Variants in XYLT1 observed in about 807,000 individuals in gnomAD.
XYLT1 encodes xylosyltransferase 1, also known as beta-D-xylosyltransferase 1.
XYLT1 carries 36 observed loss-of-function variants against 91.3 expected under a neutral mutation model. The ratio of observed to expected loss-of-function variants is 0.39; its 90% CI spans 0.30 to 0.52. The LOEUF is 0.52. Ranked by LOEUF, XYLT1 falls within the 20% of genes least tolerant of loss-of-function variation. The pLI is 0.68. For synonymous variants in XYLT1, 588 were observed against 532.0 expected (o/e 1.11, Z -1.45); for missense variants, 1,242 against 1,284.5 (o/e 0.97, Z 0.51).
chr16:17,115,763 C>T (rs150480663), intron 11 of XYLT1, among the ~76,000 whole-genome samples: 33 of 115,200 alleles, frequency 2.9e-4, no homozygotes, highest in East Asian at 1.8e-3. Flanking sequence ...TGGGATTACA[C>T]GTGTAAACCA....
intron 6 of XYLT1, among the ~76,000 whole-genome samples, chr16:17,142,962 CCT>C (rs2031025990): frequency 6.6e-6 from 1 of 152,202 alleles, no homozygotes; most frequent in African/African-American, 2.4e-5. Context: ...ACGAACCTCC[CCT>C]GAATTTTTCC....
intron 8 of XYLT1, among the ~76,000 whole-genome samples, chr16:17,135,912 TA>T (rs1401882856): frequency 6.6e-6 from 1 of 152,244 alleles, no homozygotes; most frequent in African/African-American, 2.4e-5. Flanking sequence ...ACTTCATTTA[TA>T]GAAGCAGGCA....
intron 2 of XYLT1, among the ~76,000 whole-genome samples, chr16:17,318,032 C>T (rs1313135188): frequency 6.6e-6 from 1 of 152,204 alleles, no homozygotes; most frequent in Non-Finnish European, 1.5e-5. Context: ...TATCACAGCA[C>T]CTTTTCACTT....
intron 1 of XYLT1, among the ~76,000 whole-genome samples, chr16:17,391,633 C>T (rs1164908367): frequency 1.3e-5 from 2 of 152,192 alleles, no homozygotes; most frequent in East Asian, 3.8e-4. Flanking sequence ...TCTTGGATCC[C>T]AACATCCCTT....
At chr16:17,339,897 C>T (rs2035040752) in intron 2 of XYLT1, among the ~76,000 whole-genome samples, 1 of 151,608 alleles carries the variant, frequency 6.6e-6, no homozygotes. Context: ...ATCATCCATC[C>T]ATCACCTATC....
At chr16:17,319,902 T>C (rs2034691183) in intron 2 of XYLT1, among the ~76,000 whole-genome samples, 1 of 152,150 alleles carries the variant, frequency 6.6e-6, no homozygotes, top group Non-Finnish European at 1.5e-5. Flanking sequence ...TCCCATCCCC[T>C]TTTCTCAGCT....
At chr16:17,362,965 G>A (rs930985573) in intron 1 of XYLT1, among the ~76,000 whole-genome samples, 1 of 152,194 alleles carries the variant, frequency 6.6e-6, no homozygotes, top group Non-Finnish European at 1.5e-5. Flanking sequence ...AGGCTGGCTT[G>A]GTGCCTTCTC....
chr16:17,344,160 A>G (rs569187183), intron 2 of XYLT1, among the ~76,000 whole-genome samples: 8 of 152,174 alleles, frequency 5.3e-5, no homozygotes, highest in African/African-American at 1.9e-4. Flanking sequence ...AGATGCTGCT[A>G]AACATTCTAC....
intron 2 of XYLT1, among the ~76,000 whole-genome samples, chr16:17,306,266 G>A (rs2034468785): frequency 6.6e-6 from 1 of 152,148 alleles, no homozygotes; most frequent in Non-Finnish European, 1.5e-5. Flanking sequence ...AGAACATTGG[G>A]AGAGAGAGAA....
chr16:17,391,565 AT>A lies in XYLT1; in HGVS notation c.364-33516del, dbSNP rs2035819448. On this transcript the variant is annotated intron_variant, in intron 1 of 11. Transcript: ENST00000261381. ...GTGAGCAAAATAAACCCACTGGGCA[AT>A]TACAAACTGTCCACTTCTGACCTTG... Among the ~76,000 whole-genome samples the A allele has an allele frequency of 2.0e-5, 3 of 152,194 alleles. No individual in the cohort carries two copies. The South Asian group carries it at 6.2e-4, about 32-fold the overall frequency.
intron 11 of XYLT1, among the ~76,000 whole-genome samples, chr16:17,111,669 A>G (rs1966841112): frequency 6.6e-6 from 1 of 152,200 alleles, no homozygotes; most frequent in African/African-American, 2.4e-5. Context: ...ATGAATTCAA[A>G]ATTTGCCTTG....
intron 2 of XYLT1, among the ~76,000 whole-genome samples, chr16:17,298,647 T>C (rs764371049): frequency 6.6e-6 from 1 of 152,158 alleles, no homozygotes; most frequent in Non-Finnish European, 1.5e-5. Context: ...CTGGCCTCAG[T>C]CTTCACCCGG....
chr16:17,324,355 G>A (rs2034768524), intron 2 of XYLT1, among the ~76,000 whole-genome samples: 1 of 152,172 alleles, frequency 6.6e-6, no homozygotes, highest in South Asian at 2.1e-4. Context: ...CACATGCGGT[G>A]AGGACCTAGG....
intron 2 of XYLT1, among the ~76,000 whole-genome samples, chr16:17,319,096 T>G (rs142942809): frequency 1.8e-3 from 267 of 152,278 alleles, no homozygotes; most frequent in African/African-American, 5.9e-3. Context: ...CCTCTCCTTA[T>G]TCTCTTGCTG....
chr16:17,425,661 T>C (rs570760141), intron 1 of XYLT1, among the ~76,000 whole-genome samples: 1 of 152,336 alleles, frequency 6.6e-6, no homozygotes, highest in South Asian at 2.1e-4. Flanking sequence ...CTGCTGCTGT[T>C]CATTCCACCT....
chr16:17,239,019 T>C (rs1251295903), intron 3 of XYLT1, among the ~76,000 whole-genome samples: 1 of 152,214 alleles, frequency 6.6e-6, no homozygotes, highest in Non-Finnish European at 1.5e-5. Flanking sequence ...TCTTCTTCGA[T>C]TCCTCCCCAG....
At chr16:17,272,656 G>A (rs2141774448) in intron 2 of XYLT1, among the ~76,000 whole-genome samples, 1 of 152,286 alleles carries the variant, frequency 6.6e-6, no homozygotes, top group South Asian at 2.1e-4. Context: ...TGACAACACT[G>A]AGCTTAGATT....
intron 6 of XYLT1, among the ~76,000 whole-genome samples, chr16:17,153,667 C>A (rs971612069): frequency 2.0e-5 from 3 of 152,134 alleles, no homozygotes; most frequent in African/African-American, 7.2e-5. Flanking sequence ...GTTGGAGCAG[C>A]TAATTTTATA....
intron 1 of XYLT1, among the ~76,000 whole-genome samples, chr16:17,457,693 T>C (rs984165309): frequency 2.6e-5 from 4 of 152,220 alleles, no homozygotes; most frequent in Non-Finnish European, 5.9e-5. Flanking sequence ...TCTGCAATAC[T>C]TGATGACAAG....
Sources: gnomAD v4.1 joint callset for allele counts (sites outside exome capture counted in the v4.1 genomes callset) on GRCh38, gnomAD v4.1.1 for gene constraint, MANE v1.5 for transcripts, NCBI Gene and HGNC (gene_info 2026-07-23, HGNC 2026-07-21) for gene names.